ST6GALNAC3: variants seen among roughly 807,000 people sequenced by gnomAD.
ST6GALNAC3 encodes the protein alpha-N-acetylgalactosaminide alpha-2,6-sialyltransferase 3.
In ST6GALNAC3, 25 loss-of-function variants were observed where a neutral mutation model predicts 32.7. The ratio of observed to expected loss-of-function variants is 0.76; its 90% confidence interval spans 0.56 to 1.07. ST6GALNAC3 has a LOEUF of 1.07. Among genes scored for constraint, ST6GALNAC3 ranks in the 50% least tolerant of loss-of-function variants. The pLI, the probability that ST6GALNAC3 is intolerant of heterozygous loss-of-function variation, is 0.00. For synonymous variants in ST6GALNAC3, 129 were observed against 133.1 expected, an observed-to-expected ratio of 0.97 and a Z score of 0.21; for missense variants, 355 against 382.4, an observed-to-expected ratio of 0.93 and a Z score of 0.60.
intron 1 of ST6GALNAC3, among the ~76,000 whole-genome samples, chr1:76,214,757 A>G (rs1346226452): frequency 6.6e-6 from 1 of 152,246 alleles, no homozygotes; most frequent in African/African-American, 2.4e-5. Flanking sequence ...AAGTTAAATT[A>G]GAAAAGTCCT....
At chr1:76,564,178 C>A (rs1665411138) in intron 3 of ST6GALNAC3, among the ~76,000 whole-genome samples, 1 of 152,164 alleles carries the variant, frequency 6.6e-6, no homozygotes. Flanking sequence ...ACCTGAGATA[C>A]AACACAAAGC....
At chr1:76,626,579 C>G (rs1188072915) in intron 3 of ST6GALNAC3, among the ~76,000 whole-genome samples, 1 of 151,898 alleles carries the variant, frequency 6.6e-6, no homozygotes, top group Non-Finnish European at 1.5e-5. Context: ...ACATACCAAC[C>G]ATACTTCCAT....
intron 1 of ST6GALNAC3, chr1:76,305,772 T>C: frequency 2.6e-6 from 1 of 391,776 alleles, no homozygotes; most frequent in South Asian, 2.1e-5. Flanking sequence ...TGAAGTTTAA[T>C]GAGTGTTATC....
intron 1 of ST6GALNAC3, among the ~76,000 whole-genome samples, chr1:76,217,319 A>C (rs562379941): frequency 6.6e-6 from 1 of 152,304 alleles, no homozygotes; most frequent in Admixed American, 6.5e-5. Flanking sequence ...AATCCAGAGG[A>C]AGTGGAAAAA....
intron 1 of ST6GALNAC3, among the ~76,000 whole-genome samples, chr1:76,198,607 T>C (rs1436342319): frequency 1.3e-5 from 2 of 152,070 alleles, no homozygotes; most frequent in African/African-American, 2.4e-5. Flanking sequence ...TGGACATGAA[T>C]GGTGGAGGAG....
intron 1 of ST6GALNAC3, among the ~76,000 whole-genome samples, chr1:76,093,530 T>C (rs1253182964): frequency 6.6e-6 from 1 of 152,178 alleles, no homozygotes; most frequent in African/African-American, 2.4e-5. Flanking sequence ...ACAAGTGTGG[T>C]CACGAAAGGA....
At chr1:76,075,230 A>AGGGGCC (rs987303513) in intron 1 of ST6GALNAC3, among the ~76,000 whole-genome samples, 2 of 152,074 alleles carry the variant, frequency 1.3e-5, no homozygotes, top group African/African-American at 4.8e-5. Context: ...GAGGCCTTTC[A>AGGGGCC]GGGGCCACGG....
intron 3 of ST6GALNAC3, among the ~76,000 whole-genome samples, chr1:76,601,827 C>T (rs921301350): frequency 1.3e-5 from 2 of 152,170 alleles, no homozygotes; most frequent in African/African-American, 4.8e-5. Context: ...ACAGGCAGTG[C>T]TGAACATGAC....
At position 76,132,473 on chromosome 1, in the gene ST6GALNAC3, G is replaced by A. The variant is rs202043788; in HGVS notation, c.18+57589G>A. Among the ~76,000 whole-genome samples, 3 of 152,138 alleles carry A rather than the reference G, an allele frequency of 2.0e-5. No homozygotes were observed. In the East Asian group the frequency reaches 5.8e-4, roughly 29 times the overall value. The stretch of plus-strand genomic sequence containing the variant: ...CATGAGGTCCTTCATCTCTAATTTA[G>A]GGGGTTCTCTTTCCTCTTTATGTGT... On this transcript the variant is annotated intron_variant, in intron 1 of 4. Transcript: ENST00000328299.
Position 76,281,794 on chromosome 1 carries a change from T to A in ST6GALNAC3, c.19-32011T>A, listed in dbSNP as rs543538056. Among the ~76,000 whole-genome samples, 5 of 152,312 alleles carry A rather than the reference T, an allele frequency of 3.3e-5. No individual in the cohort carries two copies. In the South Asian group the frequency reaches 1.0e-3, roughly 32 times the overall value. On this transcript the variant is annotated intron_variant, in intron 1 of 4. Coordinates refer to ENST00000328299, the MANE Select transcript of ST6GALNAC3 (RefSeq NM_152996.4). ...GAGGAATTTTCAAGGCAAAGTGAAT[T>A]CATGTGACCTGGATTCATTATTATT...
At chr1:76,387,970 G>T (rs1268836891) in intron 2 of ST6GALNAC3, among the ~76,000 whole-genome samples, 1 of 152,078 alleles carries the variant, frequency 6.6e-6, no homozygotes, top group Non-Finnish European at 1.5e-5. Context: ...AGTCTCCGGT[G>T]GACTCTGGAG....
chr1:76,533,874 T>C (rs1311380294), intron 3 of ST6GALNAC3, among the ~76,000 whole-genome samples: 3 of 152,134 alleles, frequency 2.0e-5, no homozygotes, highest in Non-Finnish European at 4.4e-5. Context: ...TTCTTCCTAC[T>C]CCTTTCCCCC....
chr1:76,426,546 T>TAC (rs753819786), intron 3 of ST6GALNAC3, among the ~76,000 whole-genome samples: 1 of 148,466 alleles, frequency 6.7e-6, no homozygotes, highest in South Asian at 2.1e-4. Flanking sequence ...GTTTTACAGA[T>TAC]ATATATATAT....
intron 1 of ST6GALNAC3, among the ~76,000 whole-genome samples, chr1:76,099,793 A>G (rs1000830887): frequency 6.6e-6 from 1 of 152,184 alleles, no homozygotes; most frequent in Non-Finnish European, 1.5e-5. Flanking sequence ...AATAAATAAT[A>G]CTTTATTAAG....
At chr1:76,159,646 A>C (rs1027736408) in intron 1 of ST6GALNAC3, among the ~76,000 whole-genome samples, 1 of 152,246 alleles carries the variant, frequency 6.6e-6, no homozygotes, top group East Asian at 1.9e-4. Context: ...AGATGAAAGG[A>C]TAGATGAGAC....
In ST6GALNAC3 at chr1:76,375,642, G is replaced by A. The variant is rs77037946; in HGVS notation, c.214-36366G>A. ...TAAATGGTTGGGGAGGGGTTGACTC[G>A]GTTAGAAAAAAAGTCAATTTCAGTG... On this transcript the variant is annotated intron_variant, in intron 2 of 4. Transcript: ENST00000328299. Among the ~76,000 whole-genome samples, 992 of 152,198 alleles carry A rather than the reference G, an allele frequency of 6.5e-3. 10 individuals are homozygous for A. The highest frequency in any genetic ancestry group is 0.022 in the African/African-American group (934 of 41,522).
intron 3 of ST6GALNAC3, among the ~76,000 whole-genome samples, chr1:76,587,578 G>T (rs1646981636): frequency 6.6e-6 from 1 of 152,202 alleles, no homozygotes. Context: ...TAGGCTTACT[G>T]GTTGAGTGAC....
At chr1:76,216,156 C>G (rs1039883784) in intron 1 of ST6GALNAC3, among the ~76,000 whole-genome samples, 4 of 152,116 alleles carry the variant, frequency 2.6e-5, no homozygotes, top group Admixed American at 6.6e-5. Flanking sequence ...TACTTCACCT[C>G]CAGATATCTG....
rs970105798 is a variant in ST6GALNAC3, at chr1:76,364,639, G to GA, written c.214-47360dup. 1.9e-4 allele frequency among the ~76,000 whole-genome samples: 28 copies of GA among 149,154 alleles called. 1 individual carries two copies. Among genetic ancestry groups the GA allele is most frequent in the African/African-American group, 5.4e-4 (22 of 40,704 alleles). On this transcript the variant is annotated intron_variant, in intron 2 of 4. Transcript: ENST00000328299. Reference sequence around the variant, plus strand: ...TTAGAATCTACAAGGAACTCAACAAGAAAAAAAAACCTCATTAAAAAGCAG... The same window carrying GA: ...TTAGAATCTACAAGGAACTCAACAAGAAAAAAAAAACCTCATTAAAAAGCAG...
Sources: gnomAD v4.1 joint callset for allele counts (sites outside exome capture counted in the v4.1 genomes callset) on GRCh38, gnomAD v4.1.1 for gene constraint, MANE v1.5 for transcripts, NCBI Gene and HGNC (gene_info 2026-07-23, HGNC 2026-07-21) for gene names.